The following CRLF1 variants were observed in gnomAD, a reference collection of about 807,000 sequenced individuals.
The protein encoded by CRLF1 is cytokine receptor like factor 1.
In CRLF1, 36 loss-of-function variants were observed where a neutral mutation model predicts 48.9. The ratio of observed to expected loss-of-function variants is 0.74; its 90% CI spans 0.56 to 0.97. CRLF1 has a LOEUF of 0.97. Among genes scored for constraint, CRLF1 ranks in the 50% least tolerant of loss-of-function variants. The pLI is 0.00. For synonymous variants in CRLF1, 256 were observed against 253.4 expected (o/e 1.01, Z -0.10); for missense variants, 534 against 575.1 (o/e 0.93, Z 0.73).
chr19:18,594,032 T>TGGGCCGCC, intron 8 of CRLF1, 33 bp downstream of exon 8: 1 of 695,812 alleles, frequency 1.4e-6, no homozygotes, highest in Non-Finnish European at 2.2e-6. Context: ...CTCCCCTTGC[T>TGGGCCGCC]CCCTCCCGCC....
chr19:18,598,385 G>A (rs1314736709), intron 4 of CRLF1, 47 bp downstream of exon 4: 1 of 1,573,774 alleles, frequency 6.4e-7, no homozygotes, highest in Non-Finnish European at 8.6e-7. Flanking sequence ...TGCTCGGTGG[G>A]TGGGGCTGGT....
intron 8 of CRLF1, 75 bp downstream of exon 8, chr19:18,593,990 G>A (rs534710588): frequency 7.9e-6 from 12 of 1,528,580 alleles, no homozygotes; most frequent in Non-Finnish European, 6.2e-6. Flanking sequence ...GCGTGGGGGT[G>A]TGAACAAGAC....
In CRLF1 at chr19:18,606,440, G is replaced by C; in HGVS notation, c.115+102C>G. On this transcript the variant is annotated intron_variant, in intron 1 of 8. Coordinates refer to ENST00000392386, the MANE Select transcript of CRLF1 (RefSeq NM_004750.5). This position sits in a 1 kb window ranked among gnomAD's most constrained non-coding sequence, Gnocchi z 4.8. Reference sequence around the variant, plus strand: ...CCGGGGGCGCCTTCCTTTGTTCCCCGGCCGTCCAGGTGGCGCCCGCGCCCC... The same window carrying C: ...CCGGGGGCGCCTTCCTTTGTTCCCCCGCCGTCCAGGTGGCGCCCGCGCCCC... The C allele has an allele frequency of 1.1e-6, 1 of 917,726 alleles. No individual in the cohort carries two copies. Among genetic ancestry groups the C allele is most frequent in the Non-Finnish European group, 1.3e-6 (1 of 761,394 alleles). The allele number at this position is 917,726 out of a possible 1,614,324, so 56.8% of individuals were successfully genotyped here.
intron 2 of CRLF1, 113 bp from the exon 3 acceptor site, chr19:18,599,014 G>A: frequency 1.4e-5 from 22 of 1,557,954 alleles, no homozygotes; most frequent in Non-Finnish European, 1.9e-5. Flanking sequence ...AAGGAGGGCA[G>A]ACAGGACAGT....
chr19:18,599,922 G>A, intron 1 of CRLF1, 76 bp from the exon 2 acceptor site: 2 of 1,365,596 alleles, frequency 1.5e-6, no homozygotes, highest in Non-Finnish European at 9.8e-7. Context: ...GACCTCCAGG[G>A]TTCATGGTGG....
chr19:18,599,892 C>CA, intron 1 of CRLF1, 46 bp from the exon 2 acceptor site: 2 of 1,467,014 alleles, frequency 1.4e-6, no homozygotes, highest in Non-Finnish European at 1.8e-6. Context: ...GGGGACCCTC[C>CA]AAGCCCCCAA....
In CRLF1 at chr19:18,606,155, G is replaced by T. The variant is rs1976292544; in HGVS notation, c.115+387C>A. On this transcript the variant is annotated intron_variant, in intron 1 of 8. Transcript: ENST00000392386. The surrounding 1 kb of genome is among the most constrained non-coding windows in gnomAD (Gnocchi z 4.8). ...CCCGCTGGGGGCCCGCACCCAGCGC[G>T]CCAACCGCGTGCGCCCCCGCCTGGG... 6.6e-6 allele frequency among the ~76,000 whole-genome samples: 1 copy of T among 151,442 alleles called. No individual in the cohort carries two copies.
chr19:18,604,594 C>T (rs1226012812), intron 1 of CRLF1, among the ~76,000 whole-genome samples: 3 of 152,190 alleles, frequency 2.0e-5, no homozygotes, highest in South Asian at 2.1e-4. Context: ...TCTGGGGTCC[C>T]GGCTGACTAG....
In CRLF1 at chr19:18,606,173, C is replaced by A. The variant is rs1976292869; in HGVS notation, c.115+369G>T. Among the ~76,000 whole-genome samples, 1 of 151,636 alleles carries A rather than the reference C, an allele frequency of 6.6e-6. No homozygotes were observed. The highest frequency in any genetic ancestry group is 6.6e-5 in the Admixed American group (1 of 15,246). ...CCAGCGCGCCAACCGCGTGCGCCCCCGCCTGGGAGCGGTGCCCTGCAGTCC... is the reference window on the plus strand; with the variant it reads ...CCAGCGCGCCAACCGCGTGCGCCCCAGCCTGGGAGCGGTGCCCTGCAGTCC... On this transcript the variant is annotated intron_variant, in intron 1 of 8. Coordinates refer to ENST00000392386, the MANE Select transcript of CRLF1 (RefSeq NM_004750.5). This position sits in a 1 kb window ranked among gnomAD's most constrained non-coding sequence, Gnocchi z 4.8.
At chr19:18,602,712 A>G (rs1257009217) in intron 1 of CRLF1, among the ~76,000 whole-genome samples, 3 of 151,968 alleles carry the variant, frequency 2.0e-5, no homozygotes, top group Admixed American at 6.6e-5. Flanking sequence ...GTTGGAGACA[A>G]TATTTTCCCA....
chr19:18,594,519 G>T, intron 6 of CRLF1, 85 bp from the exon 7 acceptor site: 1 of 1,081,380 alleles, frequency 9.2e-7, no homozygotes, highest in Non-Finnish European at 1.2e-6. Flanking sequence ...GGCGCGGCGG[G>T]ACCATGCTCC....
In CRLF1 at chr19:18,599,560, C is replaced by T; in HGVS notation, c.397+5G>A. 1 of 1,612,210 alleles carries T rather than the reference C, an allele frequency of 6.2e-7. No individual in the cohort carries two copies. Among genetic ancestry groups the T allele is most frequent in the South Asian group, 1.1e-5 (1 of 91,016 alleles). On this transcript the variant is annotated splice_donor_5th_base_variant and intron_variant, in intron 2 of 8. Transcript: ENST00000392386. ...ACCCCTGGGGTGTCCTGGGTGCCAACTTACGGCCAACATAGAGGCAGGAGC... is the reference window on the plus strand; with the variant it reads ...ACCCCTGGGGTGTCCTGGGTGCCAATTTACGGCCAACATAGAGGCAGGAGC...
At chr19:18,596,266 T>C (rs956642794) in intron 6 of CRLF1, among the ~76,000 whole-genome samples, 16 of 152,112 alleles carry the variant, frequency 1.1e-4, no homozygotes, top group African/African-American at 3.6e-4. Flanking sequence ...AGGCTGGGCA[T>C]GGTGTCTCAC....
Position 18,599,836 on chromosome 19 carries a change from C to G in CRLF1, c.126G>C (p.Val42=). 7 of 1,538,792 alleles carry G rather than the reference C, an allele frequency of 4.5e-6. No individual in the cohort carries two copies. Among genetic ancestry groups the G allele is most frequent in the Non-Finnish European group, 6.1e-6 (7 of 1,140,004 alleles). Residue 42 remains valine (V), a synonymous_variant, in exon 2 of 9, where the codon GTG becomes GTC. Coordinates refer to ENST00000392386, the MANE Select transcript of CRLF1 (RefSeq NM_004750.5). Reference sequence around the variant, plus strand: ...GAAGCGTGGGATCCTGGGGACTGATCACAGCTGTGTCTGGGGTCAAAGAGG... The same window carrying G: ...GAAGCGTGGGATCCTGGGGACTGATGACAGCTGTGTCTGGGGTCAAAGAGG... The part of the protein sequence containing the change: ...PRAGSGAHTA[V]ISPQDPTLLI...
In CRLF1 at chr19:18,593,585, G is replaced by A. The variant is rs771004194; in HGVS notation, c.1256-6C>T. The stretch of plus-strand genomic sequence containing the variant: ...TACAGCTTATCTGGCAGGACCTGCA[G>A]GCAGAGGGGAAGCCAAGCTAAGCAG... On this transcript the variant is annotated splice_region_variant and splice_polypyrimidine_tract_variant and intron_variant, in intron 8 of 8. Coordinates refer to ENST00000392386, the MANE Select transcript of CRLF1 (RefSeq NM_004750.5). 11 of 1,608,014 alleles carry A rather than the reference G, an allele frequency of 6.8e-6. No homozygotes were observed. The highest frequency in any genetic ancestry group is 9.3e-6 in the Non-Finnish European group (11 of 1,177,732).
intron 1 of CRLF1, among the ~76,000 whole-genome samples, chr19:18,604,178 G>C (rs1976258125): frequency 6.6e-6 from 1 of 152,114 alleles, no homozygotes; most frequent in African/African-American, 2.4e-5. Flanking sequence ...CCTGGCTGGG[G>C]GGCGCTGCCC....
chr19:18,605,590 G>T (rs910487284), intron 1 of CRLF1, among the ~76,000 whole-genome samples: 1 of 152,238 alleles, frequency 6.6e-6, no homozygotes, highest in Non-Finnish European at 1.5e-5. Context: ...GATGGTGCGC[G>T]AATGTGCACC....
Position 18,606,172 on chromosome 19 carries a change from C to T in CRLF1, c.115+370G>A, listed in dbSNP as rs1011241670. On this transcript the variant is annotated intron_variant, in intron 1 of 8. Transcript: ENST00000392386. The surrounding 1 kb of genome is among the most constrained non-coding windows in gnomAD (Gnocchi z 4.8). ...CCCAGCGCGCCAACCGCGTGCGCCCCCGCCTGGGAGCGGTGCCCTGCAGTC... is the reference window on the plus strand; with the variant it reads ...CCCAGCGCGCCAACCGCGTGCGCCCTCGCCTGGGAGCGGTGCCCTGCAGTC... 6.6e-6 allele frequency among the ~76,000 whole-genome samples: 1 copy of T among 151,610 alleles called. No individual in the cohort carries two copies. The highest frequency in any genetic ancestry group is 1.5e-5 in the Non-Finnish European group (1 of 67,798).
chr19:18,598,127 G>A (rs938051176), intron 4 of CRLF1, among the ~76,000 whole-genome samples: 5 of 152,090 alleles, frequency 3.3e-5, no homozygotes, highest in African/African-American at 7.2e-5. Flanking sequence ...CGACCTGGGC[G>A]CCCCCTCCCC....
Sources: allele counts gnomAD v4.1 joint callset (sites outside exome capture counted in the v4.1 genomes callset), GRCh38; gene constraint gnomAD v4.1.1; non-coding constraint Gnocchi (gnomAD v3.1); transcripts MANE v1.5; gene names NCBI Gene and HGNC (gene_info 2026-07-23, HGNC 2026-07-21).